The following HYCC1 variants were observed in gnomAD, a reference collection of about 807,000 sequenced individuals.
The protein encoded by HYCC1 is hyccin.
chr7:22,907,716 C>G, the HYCC1 span, among the ~76,000 whole-genome samples: 3 of 152,198 alleles, frequency 2.0e-5, no homozygotes, highest in East Asian at 3.9e-4. Flanking sequence ...TTGAGACCAG[C>G]CTGGCCAACA....
the HYCC1 span, among the ~76,000 whole-genome samples, chr7:22,996,597 TAAAAA>T: frequency 0.057 from 6,085 of 106,514 alleles, 204 homozygotes; most frequent in South Asian, 0.059. Context: ...GTACAATTGT[TAAAAA>T]AAAAAAAAAA....
chr7:22,897,270 T>C, the HYCC1 span, among the ~76,000 whole-genome samples: 1 of 152,294 alleles, frequency 6.6e-6, no homozygotes, highest in South Asian at 2.1e-4. Flanking sequence ...CTAGGACATA[T>C]GCACCCTGTG....
chr7:22,911,689 C>T, the HYCC1 span, among the ~76,000 whole-genome samples: 11 of 152,094 alleles, frequency 7.2e-5, no homozygotes, highest in African/African-American at 1.9e-4. Context: ...ACCTGGGAGG[C>T]GGAGGTTGCA....
chr7:22,928,931 C>G, the HYCC1 span, among the ~76,000 whole-genome samples: 1 of 152,160 alleles, frequency 6.6e-6, no homozygotes, highest in Non-Finnish European at 1.5e-5. Flanking sequence ...TGCTACCTGA[C>G]TTCAAACTAC....
At chr7:23,012,695 G>A in the HYCC1 span, among the ~76,000 whole-genome samples, 2 of 151,044 alleles carry the variant, frequency 1.3e-5, no homozygotes, top group Non-Finnish European at 1.5e-5. Context: ...TTCACCTAAA[G>A]AAAAAAAAAT....
chr7:23,010,289 T>C, the HYCC1 span, among the ~76,000 whole-genome samples: 2 of 152,278 alleles, frequency 1.3e-5, no homozygotes, highest in East Asian at 3.9e-4. Flanking sequence ...AGGGTCTTAG[T>C]TCCAATAATT....
the HYCC1 span, chr7:22,960,517 A>T: frequency 1.1e-6 from 1 of 923,470 alleles, no homozygotes; most frequent in Non-Finnish European, 1.7e-6. Context: ...TTATACAAAG[A>T]GGCTCTTCCC....
At chr7:22,983,645 C>T in the HYCC1 span, 1 of 341,182 alleles carries the variant, frequency 2.9e-6, no homozygotes, top group African/African-American at 2.1e-5. Flanking sequence ...CCTAGCATAG[C>T]CGATGGCTCA....
At chr7:22,979,998 G>A in the HYCC1 span, among the ~76,000 whole-genome samples, 3 of 152,104 alleles carry the variant, frequency 2.0e-5, no homozygotes, top group Non-Finnish European at 4.4e-5. Flanking sequence ...CAACACTGGA[G>A]GGTAAAATAT....
At chr7:22,969,761 TG>T in the HYCC1 span, among the ~76,000 whole-genome samples, 2 of 152,134 alleles carry the variant, frequency 1.3e-5, no homozygotes, top group Admixed American at 1.3e-4. Context: ...TGACCTCAAG[TG>T]ATCTACCCAC....
the HYCC1 span, among the ~76,000 whole-genome samples, chr7:22,924,889 G>A: frequency 5.3e-5 from 8 of 152,230 alleles, no homozygotes; most frequent in Admixed American, 5.2e-4. Context: ...GCCTCCTCAA[G>A]TAGGTCCCTG....
chr7:22,929,236 C>T, the HYCC1 span, among the ~76,000 whole-genome samples: 10 of 152,288 alleles, frequency 6.6e-5, no homozygotes, highest in Admixed American at 1.3e-4. Flanking sequence ...ACCACAAAAA[C>T]CCTCGAAGAA....
At chr7:22,925,517 G>T in the HYCC1 span, among the ~76,000 whole-genome samples, 2 of 152,206 alleles carry the variant, frequency 1.3e-5, no homozygotes, top group Non-Finnish European at 2.9e-5. Flanking sequence ...ACCACGGCAC[G>T]AGAACTACGT....
chr7:22,990,287 C>A, the HYCC1 span, among the ~76,000 whole-genome samples: 1 of 152,152 alleles, frequency 6.6e-6, no homozygotes, highest in Non-Finnish European at 1.5e-5. Context: ...ATAATTTTAT[C>A]TTTTCTTTGG....
chr7:22,999,381 C>G, the HYCC1 span, among the ~76,000 whole-genome samples: 1 of 152,140 alleles, frequency 6.6e-6, no homozygotes, highest in Admixed American at 6.5e-5. Flanking sequence ...TTCAGTAAGC[C>G]CTGATAACTA....
At chr7:22,905,963 G>T in the HYCC1 span, among the ~76,000 whole-genome samples, 1 of 152,146 alleles carries the variant, frequency 6.6e-6, no homozygotes. Context: ...TTAAGTACCA[G>T]TTACAGTCTC....
the HYCC1 span, among the ~76,000 whole-genome samples, chr7:22,904,589 G>C: frequency 2.0e-5 from 3 of 151,774 alleles, no homozygotes; most frequent in African/African-American, 7.3e-5. Context: ...TTTTATACAA[G>C]TCACCATCTG....
At chr7:22,915,195 T>A in the HYCC1 span, among the ~76,000 whole-genome samples, 1 of 152,164 alleles carries the variant, frequency 6.6e-6, no homozygotes, top group Non-Finnish European at 1.5e-5. Flanking sequence ...AAAAATCAGA[T>A]TCCGGCCCTC....
chr7:22,953,925 C>T, the HYCC1 span, among the ~76,000 whole-genome samples: 3 of 151,380 alleles, frequency 2.0e-5, no homozygotes, highest in African/African-American at 7.3e-5. Flanking sequence ...TCTAAATTTC[C>T]TTAATAAGTA....
Sources: gnomAD v4.1 joint callset for allele counts (sites outside exome capture counted in the v4.1 genomes callset) on GRCh38, gnomAD v4.1.1 for gene constraint, MANE v1.5 for transcripts, NCBI Gene and HGNC (gene_info 2026-07-23, HGNC 2026-07-21) for gene names.